COL14A1: variants seen among roughly 807,000 people sequenced by gnomAD.
COL14A1 encodes the protein collagen type XIV alpha 1 chain, also known as collagen alpha-1(XIV) chain.
COL14A1 carries 136 observed loss-of-function variants against 230.3 expected under a neutral mutation model. That is an observed-to-expected ratio of 0.59 (90% CI 0.51 to 0.68). The LOEUF is 0.68. Among genes scored for constraint, COL14A1 ranks in the 30% least tolerant of loss-of-function variants. The pLI, the probability that COL14A1 is intolerant of heterozygous loss-of-function variation, is 0.00. For synonymous variants in COL14A1, 792 were observed against 784.1 expected (o/e 1.01, Z -0.17); for missense variants, 1,976 against 2,215.8 (o/e 0.89, Z 2.17).
At chr8:120,198,899 A>AT (rs1247929449) in intron 7 of COL14A1, among the ~76,000 whole-genome samples, 1 of 152,210 alleles carries the variant, frequency 6.6e-6, no homozygotes, top group Non-Finnish European at 1.5e-5. Context: ...CTACAACAAT[A>AT]TTGCACCATT....
chr8:120,226,149 T>G (rs1818086637), intron 15 of COL14A1, among the ~76,000 whole-genome samples: 1 of 152,158 alleles, frequency 6.6e-6, no homozygotes, highest in Non-Finnish European at 1.5e-5. Context: ...CTATTTCATT[T>G]CTGATGACCA....
At chr8:120,145,499 A>G (rs1815062613) in intron 1 of COL14A1, among the ~76,000 whole-genome samples, 1 of 152,122 alleles carries the variant, frequency 6.6e-6, no homozygotes. Context: ...CGTGCCTGTA[A>G]TCCCAGCTAC....
intron 1 of COL14A1, among the ~76,000 whole-genome samples, chr8:120,127,964 C>T (rs774994011): frequency 2.6e-5 from 4 of 152,106 alleles, no homozygotes; most frequent in Non-Finnish European, 4.4e-5. Flanking sequence ...TGTTGGTAAA[C>T]GGGGCACTAG....
chr8:120,326,222 C>T (rs1821664477), intron 40 of COL14A1, among the ~76,000 whole-genome samples: 2 of 152,170 alleles, frequency 1.3e-5, no homozygotes, highest in South Asian at 4.2e-4. Context: ...GATTACTTGA[C>T]TTAAATTCCA....
intron 4 of COL14A1, among the ~76,000 whole-genome samples, chr8:120,166,497 T>TA (rs1434972910): frequency 1.3e-5 from 2 of 149,882 alleles, no homozygotes; most frequent in Non-Finnish European, 3.0e-5. Context: ...GAAGTTTCTC[T>TA]AAGTCTCTAC....
intron 42 of COL14A1, among the ~76,000 whole-genome samples, chr8:120,336,416 T>A (rs917162937): frequency 1.3e-5 from 2 of 152,148 alleles, no homozygotes; most frequent in African/African-American, 4.8e-5. Context: ...CCTGTCTCTG[T>A]ACATTTTAAT....
chr8:120,224,023 C>CTTTTTTTTTTTTTT lies in COL14A1; in HGVS notation c.1738-1057_1738-1044dup, dbSNP rs962510256. On this transcript the variant is annotated intron_variant, in intron 14 of 47. Transcript: ENST00000297848. ...GCCTTCTAGACCCTGCCCTCATCTCCTTTTTTTTTTTTTTTTTTTTTGAGA... is the reference window on the plus strand; with the variant it reads ...GCCTTCTAGACCCTGCCCTCATCTCCTTTTTTTTTTTTTTTTTTTTTTTTTTTTTTTTTTTGAGA... 8.7e-4 allele frequency among the ~76,000 whole-genome samples: 68 copies of CTTTTTTTTTTTTTT among 78,280 alleles called. 8 individuals are homozygous for CTTTTTTTTTTTTTT. Among genetic ancestry groups the CTTTTTTTTTTTTTT allele is most frequent in the Admixed American group, 1.5e-3 (7 of 4,822 alleles). The allele number at this position is 78,280 out of a possible 152,430, so 51.4% of individuals were successfully genotyped here.
Position 120,209,096 on chromosome 8 carries a change from T to C in COL14A1, c.1322-660T>C, listed in dbSNP as rs148121781. The stretch of plus-strand genomic sequence containing the variant: ...TTCTTGGATTTATCCCTGGCAACAA[T>C]CTGTCGGATGAGTGTTAATGCCCTC... On this transcript the variant is annotated intron_variant, in intron 11 of 47. Transcript: ENST00000297848. Among the ~76,000 whole-genome samples, 422 of 152,306 alleles carry C rather than the reference T, an allele frequency of 2.8e-3. 1 individual carries two copies. The highest frequency in any genetic ancestry group is 5.6e-3 in the East Asian group (29 of 5,180).
intron 31 of COL14A1, 56 bp downstream of exon 31, chr8:120,281,115 G>A: frequency 6.7e-7 from 1 of 1,499,866 alleles, no homozygotes; most frequent in African/African-American, 1.4e-5. Flanking sequence ...ATCTCACTGT[G>A]AAAATGATGT....
At chr8:120,209,411 T>G (rs909261024) in intron 11 of COL14A1, among the ~76,000 whole-genome samples, 2 of 151,532 alleles carry the variant, frequency 1.3e-5, no homozygotes, top group Non-Finnish European at 2.9e-5. Flanking sequence ...TAGTAGGGGG[T>G]GGGGACGCAA....
chr8:120,315,792 T>C, intron 39 of COL14A1, 152 bp from the exon 40 acceptor site: 2 of 874,472 alleles, frequency 2.3e-6, no homozygotes, highest in Non-Finnish European at 1.8e-6. Context: ...TCTTTGCCCA[T>C]GAATAACTTC....
intron 40 of COL14A1, among the ~76,000 whole-genome samples, chr8:120,327,472 G>T (rs559294111): frequency 2.0e-5 from 3 of 152,210 alleles, no homozygotes; most frequent in Non-Finnish European, 2.9e-5. Context: ...TGCCTTACAG[G>T]TTTCTTCCAA....
At chr8:120,317,503 G>C (rs1018824669) in intron 40 of COL14A1, among the ~76,000 whole-genome samples, 4 of 152,200 alleles carry the variant, frequency 2.6e-5, no homozygotes, top group African/African-American at 9.6e-5. Flanking sequence ...TGTACATGTG[G>C]AAGCAGCATC....
chr8:120,309,977 C>G lies in COL14A1; in HGVS notation c.4402-32C>G, dbSNP rs748445748. 4.4e-6 allele frequency: 7 copies of G among 1,608,420 alleles called. No homozygotes were observed. In the South Asian group the frequency reaches 7.7e-5, roughly 18 times the overall value. On this transcript the variant is annotated intron_variant, in intron 36 of 47. Coordinates refer to ENST00000297848, the MANE Select transcript of COL14A1 (RefSeq NM_021110.4). ...TGAAATACACTGTTTTGAGATTTGT[C>G]TTTGAGCTAATACTTAACATCTGTT...
Position 120,291,996 on chromosome 8 carries a change from T to C in COL14A1, c.4236+2230T>C, listed in dbSNP as rs1820390643. Among the ~76,000 whole-genome samples the C allele has an allele frequency of 2.0e-5, 3 of 152,290 alleles. No individual in the cohort carries two copies. The South Asian group carries it at 6.2e-4, about 32-fold the overall frequency. The stretch of plus-strand genomic sequence containing the variant: ...CATTTGATAGAAATTAAATAGAATG[T>C]TGTCTGTTCAAATTGTATTATATCT... On this transcript the variant is annotated intron_variant, in intron 34 of 47. Transcript: ENST00000297848.
intron 26 of COL14A1, among the ~76,000 whole-genome samples, chr8:120,276,509 A>G (rs1044802896): frequency 6.6e-6 from 1 of 151,408 alleles, no homozygotes; most frequent in African/African-American, 2.4e-5. Flanking sequence ...AAAGTATTGT[A>G]AATAAAAATA....
intron 47 of COL14A1, chr8:120,370,727 C>T: frequency 2.1e-6 from 3 of 1,399,076 alleles, no homozygotes; most frequent in East Asian, 3.8e-5. Flanking sequence ...TCCTTCCTCT[C>T]CCCACACAGG....
At chr8:120,348,026 G>A (rs952178261) in intron 45 of COL14A1, among the ~76,000 whole-genome samples, 1 of 151,836 alleles carries the variant, frequency 6.6e-6, no homozygotes, top group Non-Finnish European at 1.5e-5. Context: ...ATTCACTACT[G>A]GGTATCTACC....
chr8:120,133,750 T>G (rs1409075945), intron 1 of COL14A1, among the ~76,000 whole-genome samples: 1 of 152,052 alleles, frequency 6.6e-6, no homozygotes, highest in Non-Finnish European at 1.5e-5. Flanking sequence ...AGACAAAGTT[T>G]CCAGGATAAA....
Sources: allele counts gnomAD v4.1 joint callset (sites outside exome capture counted in the v4.1 genomes callset), GRCh38; gene constraint gnomAD v4.1.1; transcripts MANE v1.5; gene names NCBI Gene and HGNC (gene_info 2026-07-23, HGNC 2026-07-21).